Variants in MESD observed in about 807,000 individuals in gnomAD.
MESD encodes LRP chaperone MESD.
A neutral mutation model predicts 12.9 loss-of-function variants in MESD; 7 were observed. The ratio of observed to expected loss-of-function variants is 0.54; its 90% CI spans 0.31 to 1.02. The LOEUF (loss-of-function observed/expected upper bound fraction) is 1.02, where lower values mean the gene tolerates loss of function less well. MESD is among the 50% of genes least tolerant of loss of function. The pLI is 0.05. For synonymous variants in MESD, 126 were observed against 115.6 expected (o/e 1.09, Z -0.58); for missense variants, 342 against 296.7 (o/e 1.15, Z -1.12).
chr15:80,964,940 C>A (rs1902149071), intron 3 of MESD, among the ~76,000 whole-genome samples: 1 of 152,074 alleles, frequency 6.6e-6, no homozygotes, highest in Admixed American at 6.6e-5. Flanking sequence ...GCAACTAAAG[C>A]CAAAATTGAC....
chr15:80,947,939 C>G (rs1901633344), exon 5 of MESD: 1 of 152,296 alleles, frequency 6.6e-6, no homozygotes, highest in Non-Finnish European at 1.5e-5. Flanking sequence ...ACCATCCTCA[C>G]TATGGAAAAC....
chr15:80,969,374 C>T (rs1487409962), intron 3 of MESD, among the ~76,000 whole-genome samples: 1 of 152,060 alleles, frequency 6.6e-6, no homozygotes, highest in Non-Finnish European at 1.5e-5. Context: ...GCCTGCCTTG[C>T]TATCTTTATC....
chr15:80,989,478 G>A (rs1567128391), intron 1 of MESD, 101 bp downstream of exon 1: 3 of 1,350,350 alleles, frequency 2.2e-6, no homozygotes, highest in Non-Finnish European at 3.1e-6. Flanking sequence ...AGTAGAGGAG[G>A]TTAGGGGGTC....
downstream of MESD, among the ~76,000 whole-genome samples, chr15:80,972,229 A>T (rs1174141201): frequency 6.6e-6 from 1 of 152,226 alleles, no homozygotes; most frequent in Non-Finnish European, 1.5e-5. Flanking sequence ...AGGAATACAG[A>T]GCTCTCAGAA....
chr15:80,954,100 C>T (rs568301523), intron 3 of MESD, among the ~76,000 whole-genome samples: 1 of 152,162 alleles, frequency 6.6e-6, no homozygotes, highest in East Asian at 1.9e-4. Context: ...TCTCTCCTCT[C>T]GGCTTGGCCC....
At chr15:80,985,948 C>T (rs756929961) in intron 1 of MESD, among the ~76,000 whole-genome samples, 27 of 152,086 alleles carry the variant, frequency 1.8e-4, no homozygotes, top group Non-Finnish European at 3.5e-4. Context: ...AGCCACTAAG[C>T]CCAGTCCAGC....
chr15:80,965,234 T>C (rs993202192), intron 3 of MESD, among the ~76,000 whole-genome samples: 1 of 152,058 alleles, frequency 6.6e-6, no homozygotes, highest in Non-Finnish European at 1.5e-5. Context: ...ATCAGAGAAA[T>C]GCAAATCAAA....
intron 3 of MESD, among the ~76,000 whole-genome samples, chr15:80,958,552 C>T (rs896550473): frequency 2.0e-5 from 3 of 152,242 alleles, no homozygotes; most frequent in African/African-American, 7.2e-5. Flanking sequence ...AGGCTGGTCT[C>T]GAACTCCCGA....
chr15:80,957,599 AACAC>A (rs36008211), intron 3 of MESD, among the ~76,000 whole-genome samples: 7 of 148,872 alleles, frequency 4.7e-5, no homozygotes, highest in African/African-American at 1.2e-4. Context: ...TCCACTGCAA[AACAC>A]ACACACACAC....
chr15:80,985,933 G>C (rs1386287016), intron 1 of MESD, among the ~76,000 whole-genome samples: 1 of 151,982 alleles, frequency 6.6e-6, no homozygotes, highest in Non-Finnish European at 1.5e-5. Context: ...GGGGTTACAG[G>C]CATGAGCCAC....
At chr15:80,986,496 T>G (rs1279262510) in intron 1 of MESD, among the ~76,000 whole-genome samples, 1 of 152,236 alleles carries the variant, frequency 6.6e-6, no homozygotes, top group Non-Finnish European at 1.5e-5. Flanking sequence ...ATTTTATACA[T>G]GTGTAGAAAT....
chr15:80,960,443 C>T (rs981399770), intron 3 of MESD, among the ~76,000 whole-genome samples: 3 of 150,056 alleles, frequency 2.0e-5, no homozygotes, highest in African/African-American at 7.3e-5. Context: ...CACATTCAAC[C>T]AACCAATTAC....
chr15:80,955,757 A>T (rs1188391551), intron 3 of MESD, among the ~76,000 whole-genome samples: 1 of 151,424 alleles, frequency 6.6e-6, no homozygotes, highest in African/African-American at 2.4e-5. Flanking sequence ...AGTAGCTGGG[A>T]TTACAGGCCT....
chr15:80,965,086 A>G (rs1296062819), intron 3 of MESD, among the ~76,000 whole-genome samples: 1 of 152,264 alleles, frequency 6.6e-6, no homozygotes, highest in Non-Finnish European at 1.5e-5. Context: ...CAGAATCTAC[A>G]AAGAACTTAA....
At chr15:80,948,666 G>A in exon 5 of MESD, 1 of 1,199,926 alleles carries the variant, frequency 8.3e-7, no homozygotes, top group Non-Finnish European at 1.2e-6. Context: ...TCTTCCCAAG[G>A]GGCCACAGTG....
intron 3 of MESD, among the ~76,000 whole-genome samples, chr15:80,959,385 C>G (rs1342824124): frequency 6.6e-6 from 1 of 152,170 alleles, no homozygotes; most frequent in Admixed American, 6.5e-5. Flanking sequence ...GTCAAGTGTA[C>G]ATTGTGGAAA....
chr15:80,949,215 T>C (rs1901711639), intron 4 of MESD: 2 of 454,820 alleles, frequency 4.4e-6, no homozygotes, highest in Middle Eastern at 6.7e-4. Flanking sequence ...CAGTGGGGGT[T>C]TGGGGACCAT....
rs533807135 is a variant in MESD, at chr15:80,951,719, C to T, written c.*626+240G>A. 3 of 153,034 alleles carry T rather than the reference C, an allele frequency of 2.0e-5. No individual in the cohort carries two copies. The East Asian group carries it at 5.8e-4, about 29-fold the overall frequency. 9.5% of individuals were successfully genotyped at this position (153,034 alleles called of 1,614,324 possible). On this transcript the variant is annotated intron_variant, in intron 4 of 4. Transcript: ENST00000561312. ...GTGTACCTAGAGCCAAGGAAATTGG[C>T]TCTGGTTTGGAAAAATTTTGCTGTT...
intron 2 of MESD, among the ~76,000 whole-genome samples, chr15:80,980,242 T>C (rs1194804631): frequency 6.6e-6 from 1 of 152,190 alleles, no homozygotes; most frequent in African/African-American, 2.4e-5. Context: ...TAATTGAAAA[T>C]ATTTTGCTGG....
Sources: allele counts gnomAD v4.1 joint callset (sites outside exome capture counted in the v4.1 genomes callset), GRCh38; gene constraint gnomAD v4.1.1; transcripts MANE v1.5; gene names NCBI Gene and HGNC (gene_info 2026-07-23, HGNC 2026-07-21).